Variants in SMC3 observed in about 807,000 individuals in gnomAD.
The protein encoded by SMC3 is structural maintenance of chromosomes 3.
A neutral mutation model predicts 171.8 loss-of-function variants in SMC3; 20 were observed. That is an observed-to-expected ratio of 0.12 (90% CI 0.08 to 0.17). The LOEUF is 0.17. Among genes scored for constraint, SMC3 ranks in the 10% least tolerant of loss-of-function variants. The pLI, the probability that SMC3 is intolerant of heterozygous loss-of-function variation, is 1.00. For synonymous variants in SMC3, 464 were observed against 451.1 expected (o/e 1.03, Z -0.36); for missense variants, 543 against 1,420.4 (o/e 0.38, Z 9.93).
intron 3 of SMC3, among the ~76,000 whole-genome samples, chr10:110,574,661 G>A (rs376329943): frequency 1.4e-4 from 22 of 151,898 alleles, no homozygotes; most frequent in South Asian, 4.1e-4. Flanking sequence ...GCTTATGCAC[G>A]TACTTGCTGA....
Position 110,604,854 on chromosome 10 carries a change from T to G in SMC3, c.*552T>G, listed in dbSNP as rs574456083. Among the ~76,000 whole-genome samples, 7 of 152,180 alleles carry G rather than the reference T, an allele frequency of 4.6e-5. No homozygotes were observed. Among genetic ancestry groups the G allele is most frequent in the Non-Finnish European group, 1.5e-5 (1 of 68,004 alleles). On this transcript the variant is annotated 3_prime_UTR_variant, in exon 29 of 29. Coordinates refer to ENST00000361804, the MANE Select transcript of SMC3 (RefSeq NM_005445.4). ...CCATGGTATATTTATCATTGATACATTACTATCAACTAAGCTCAAGATTTT... is the reference window on the plus strand; with the variant it reads ...CCATGGTATATTTATCATTGATACAGTACTATCAACTAAGCTCAAGATTTT...
intron 13 of SMC3, among the ~76,000 whole-genome samples, chr10:110,586,950 C>A (rs1367127917): frequency 6.6e-6 from 1 of 152,150 alleles, no homozygotes; most frequent in African/African-American, 2.4e-5. Context: ...AGCCACCGCG[C>A]CCGGTGTAAA....
intron 18 of SMC3, among the ~76,000 whole-genome samples, chr10:110,594,204 TA>T (rs1221235956): frequency 1.5e-5 from 2 of 134,222 alleles, no homozygotes; most frequent in African/African-American, 3.0e-5. Context: ...TTTTTAAATT[TA>T]TTTTTTTTTT....
rs1329011801 is a variant in SMC3, at chr10:110,577,928, T to C, written c.350+14T>C. 4.6e-6 allele frequency: 7 copies of C among 1,531,160 alleles called. No homozygotes were observed. The Admixed American group carries it at 5.5e-5, about 12-fold the overall frequency. 94.8% of individuals were successfully genotyped at this position (1,531,160 alleles called of 1,614,324 possible). ...GAAGATGGTCACGTAAGCATTTTTC[T>C]TTTTTTTAAAAAAACTGAATATGTA... On this transcript the variant is annotated intron_variant, in intron 6 of 28. Transcript: ENST00000361804.
chr10:110,577,956 T>TCA (rs1232419180), intron 6 of SMC3, 42 bp downstream of exon 6: 1 of 1,293,840 alleles, frequency 7.7e-7, no homozygotes, highest in Non-Finnish European at 1.1e-6. Flanking sequence ...AATATGTACT[T>TCA]AAATAGAGAT....
chr10:110,569,851 C>G (rs142996681), intron 2 of SMC3, among the ~76,000 whole-genome samples: 2 of 152,178 alleles, frequency 1.3e-5, no homozygotes, highest in African/African-American at 2.4e-5. Flanking sequence ...TTTGCTGATA[C>G]AGCTAACAAA....
rs1861179217 is a variant in SMC3 at position 110,589,797 on chromosome 10, A to G, written c.1409+89A>G. 12 of 1,455,792 alleles carry G rather than the reference A, an allele frequency of 8.2e-6. No homozygotes were observed. The South Asian group carries it at 1.3e-4, about 15-fold the overall frequency. 90.2% of individuals were successfully genotyped at this position (1,455,792 alleles called of 1,614,324 possible). On this transcript the variant is annotated intron_variant, in intron 14 of 28. Coordinates refer to ENST00000361804, the MANE Select transcript of SMC3 (RefSeq NM_005445.4). Reference sequence around the variant, plus strand: ...TCTTTAAGTTACAAGTTAACCGGTCAGGCTTGTTTTCTGTATTTTGATTCT... The same window carrying G: ...TCTTTAAGTTACAAGTTAACCGGTCGGGCTTGTTTTCTGTATTTTGATTCT...
chr10:110,588,281 C>T (rs73350958), intron 13 of SMC3, among the ~76,000 whole-genome samples: 9,575 of 152,212 alleles, frequency 0.063, 975 homozygotes, highest in African/African-American at 0.21. Flanking sequence ...TGAGCCACCG[C>T]GCCCGGCCAA....
At chr10:110,603,819 G>A (rs1270929049) in intron 28 of SMC3, among the ~76,000 whole-genome samples, 4 of 152,104 alleles carry the variant, frequency 2.6e-5, no homozygotes, top group African/African-American at 7.2e-5. Flanking sequence ...TGATAGGCCG[G>A]GCGCAATGGC....
Position 110,567,933 on chromosome 10 carries a change from A to G in SMC3, c.15+102A>G. 2.9e-6 allele frequency: 4 copies of G among 1,370,730 alleles called. No homozygotes were observed. In the South Asian group the frequency reaches 4.8e-5, roughly 16 times the overall value. 84.9% of individuals were successfully genotyped at this position (1,370,730 alleles called of 1,614,324 possible). On this transcript the variant is annotated intron_variant, in intron 1 of 28. Coordinates refer to ENST00000361804, the MANE Select transcript of SMC3 (RefSeq NM_005445.4). ...CCCGCAGCCTCTCCCCTGTCTCCAC[A>G]GGCTGGACCAGGGCTGGGCGGGGAC...
At chr10:110,582,782 C>A (rs1861051872) in intron 10 of SMC3, 140 bp downstream of exon 10, 1 of 694,132 alleles carries the variant, frequency 1.4e-6, no homozygotes, top group South Asian at 1.6e-5. Flanking sequence ...AATCCTCTTG[C>A]CGCAGCTTCC....
At chr10:110,577,716 A>G (rs1860973716) in intron 5 of SMC3, 119 bp from the exon 6 acceptor site, 6 of 743,606 alleles carry the variant, frequency 8.1e-6, no homozygotes, top group Non-Finnish European at 9.0e-6. Context: ...TATTATTTTT[A>G]GTGAGATAAT....
At chr10:110,583,739 A>T in intron 11 of SMC3, 102 bp from the exon 12 acceptor site, 2 of 1,335,654 alleles carry the variant, frequency 1.5e-6, no homozygotes, top group South Asian at 1.3e-5. Context: ...TTCATGTTAC[A>T]GGTGGGTTTT....
intron 13 of SMC3, among the ~76,000 whole-genome samples, chr10:110,584,796 T>A (rs1213523367): frequency 6.6e-6 from 1 of 152,158 alleles, no homozygotes; most frequent in East Asian, 1.9e-4. Context: ...AAATTTTTAT[T>A]TATTTTTTTG....
rs915396629 is a variant in SMC3, at chr10:110,567,761, G to T, written c.-56G>T. 11 of 1,611,100 alleles carry T rather than the reference G, an allele frequency of 6.8e-6. No individual in the cohort carries two copies. In the African/African-American group the frequency reaches 1.3e-4, roughly 20 times the overall value. ...GCGTAGGCGCCTCACCTGACCCTGC[G>T]GCCGTGCGGTTGCTGCTCCGGGGCA... On this transcript the variant is annotated 5_prime_UTR_variant, in exon 1 of 29. Coordinates refer to ENST00000361804, the MANE Select transcript of SMC3 (RefSeq NM_005445.4).
chr10:110,570,956 C>T (rs1860861769), intron 2 of SMC3, among the ~76,000 whole-genome samples: 1 of 152,102 alleles, frequency 6.6e-6, no homozygotes, highest in Admixed American at 6.5e-5. Flanking sequence ...GAAAGCATAC[C>T]ACTTTGATTG....
intron 2 of SMC3, among the ~76,000 whole-genome samples, chr10:110,571,764 A>G (rs1023148368): frequency 6.6e-6 from 1 of 151,708 alleles, no homozygotes; most frequent in African/African-American, 2.4e-5. Flanking sequence ...CATCTTTTTA[A>G]TATATATTTA....
chr10:110,600,989 T>C, intron 22 of SMC3, 33 bp from the exon 23 acceptor site: 1 of 1,518,096 alleles, frequency 6.6e-7, no homozygotes, highest in South Asian at 1.1e-5. Flanking sequence ...TCATAACATT[T>C]GAAACTAATG....
intron 13 of SMC3, among the ~76,000 whole-genome samples, chr10:110,588,356 C>T (rs1453720433): frequency 1.3e-5 from 2 of 152,170 alleles, no homozygotes; most frequent in Admixed American, 1.3e-4. Flanking sequence ...GTAACATTGA[C>T]TTTTGTCCAT....
Sources: gnomAD v4.1 joint callset for allele counts (sites outside exome capture counted in the v4.1 genomes callset) on GRCh38, gnomAD v4.1.1 for gene constraint, MANE v1.5 for transcripts, NCBI Gene and HGNC (gene_info 2026-07-23, HGNC 2026-07-21) for gene names.